Variants in METTL15 observed in about 807,000 individuals in gnomAD.
METTL15 encodes 12S rRNA N(4)-cytidine methyltransferase METTL15.
METTL15 carries 34 observed loss-of-function variants against 38.3 expected under a neutral mutation model. The ratio of observed to expected loss-of-function variants is 0.89; its 90% CI spans 0.68 to 1.18. The LOEUF (loss-of-function observed/expected upper bound fraction) is 1.18. Ranked by LOEUF, METTL15 falls within the 50% of genes most tolerant of loss-of-function variation. The pLI is 0.00. For missense variants in METTL15, 438 were observed against 498.4 expected (o/e 0.88, Z 1.15); for synonymous variants, 162 against 170.9 (o/e 0.95, Z 0.41).
In METTL15 at chr11:28,169,286, T is replaced by C. The variant is rs534579558; in HGVS notation, c.271-41776T>C. ...ACAAATTCAGGAGCCGTGGCTGTTA[T>C]AAGTACTTTGACAACTTCACATAGT... is the stretch of plus-strand genomic sequence containing the variant. On this transcript the variant is annotated intron_variant, in intron 3 of 6. Coordinates refer to ENST00000407364, the MANE Select transcript of METTL15 (RefSeq NM_001113528.2). Among the ~76,000 whole-genome samples the C allele has an allele frequency of 3.9e-5, 6 of 152,318 alleles. No individual in the cohort carries two copies. In the South Asian group the frequency reaches 6.2e-4, roughly 16 times the overall value.
At position 28,448,925 on chromosome 11, in the gene METTL15, G is replaced by A. The variant is rs994218501; in HGVS notation, c.*424+24561G>A. On this transcript the variant is annotated intron_variant and NMD_transcript_variant, in intron 6 of 7. Coordinates refer to the METTL15 transcript ENST00000532947. Reference sequence around the variant, plus strand: ...CAGTGAGAAAATAGTTTTTGTGCCTGTGGAAATAATTTGCATTTGGGAGGG... The same window carrying A: ...CAGTGAGAAAATAGTTTTTGTGCCTATGGAAATAATTTGCATTTGGGAGGG... Among the ~76,000 whole-genome samples, 7 of 152,300 alleles carry A rather than the reference G, an allele frequency of 4.6e-5. No homozygotes were observed. The East Asian group carries it at 1.4e-3, about 29-fold the overall frequency.
At chr11:28,432,117 T>C (rs1444663962) in intron 6 of METTL15, among the ~76,000 whole-genome samples, 2 of 152,200 alleles carry the variant, frequency 1.3e-5, no homozygotes, top group African/African-American at 4.8e-5. Flanking sequence ...TTGTGTGCCA[T>C]GCAAGGAGTT....
chr11:28,290,333 A>C lies in METTL15; in HGVS notation c.535A>C (p.Thr179Pro), dbSNP rs779666173. 1 of 1,613,356 alleles carries C rather than the reference A, an allele frequency of 6.2e-7. No homozygotes were observed. Among genetic ancestry groups the C allele is most frequent in the East Asian group, 2.2e-5 (1 of 44,856 alleles). ...DLGCSSMQLD[T>P]PERGFSLRKD... ...TGGGTGTTCCTCCATGCAACTTGAT[A>C]CTCCTGAAAGAGGTTTTTCCCTTCG... Residue 179 changes from threonine (T) to proline (P), a missense_variant, in exon 5 of 7, where the codon ACT becomes CCT. Transcript: ENST00000407364.
downstream of METTL15, among the ~76,000 whole-genome samples, chr11:28,338,165 T>C (rs971330109): frequency 6.6e-6 from 1 of 152,128 alleles, no homozygotes; most frequent in East Asian, 1.9e-4. Flanking sequence ...GCTAGTGTCT[T>C]TCCCTCAGCC....
downstream of METTL15, among the ~76,000 whole-genome samples, chr11:28,338,074 T>G (rs1054111473): frequency 8.6e-5 from 13 of 151,618 alleles, no homozygotes; most frequent in Admixed American, 1.3e-4. Context: ...TATCTTTGCT[T>G]CTTTTTTTTT....
At chr11:28,242,071 A>G (rs1165275075) in intron 4 of METTL15, among the ~76,000 whole-genome samples, 2 of 152,238 alleles carry the variant, frequency 1.3e-5, no homozygotes, top group African/African-American at 2.4e-5. Flanking sequence ...ACAGGGATCC[A>G]TTAAAATATA....
intron 6 of METTL15, among the ~76,000 whole-genome samples, chr11:28,435,051 G>A (rs909281809): frequency 6.6e-6 from 1 of 152,182 alleles, no homozygotes; most frequent in African/African-American, 2.4e-5. Context: ...GAAAGATATA[G>A]CAGTTATGAA....
In METTL15 at chr11:28,266,272, C is replaced by T. The variant is rs369977878; in HGVS notation, c.408-23934C>T. ...GACACATGCACATGTATGTTTATTG[C>T]GGCGCTATTCACAATAGCAAAGACT... is the stretch of plus-strand genomic sequence containing the variant. On this transcript the variant is annotated intron_variant, in intron 4 of 6. Coordinates refer to ENST00000407364, the MANE Select transcript of METTL15 (RefSeq NM_001113528.2). 4.9e-4 allele frequency among the ~76,000 whole-genome samples: 74 copies of T among 152,154 alleles called. 1 individual carries two copies. In the South Asian group the frequency reaches 7.3e-3, roughly 15 times the overall value.
intron 4 of METTL15, among the ~76,000 whole-genome samples, chr11:28,229,777 A>G (rs1853617478): frequency 6.6e-6 from 1 of 151,948 alleles, no homozygotes; most frequent in South Asian, 2.1e-4. Flanking sequence ...TAGCACCCTA[A>G]ATGGACTGAG....
At chr11:28,373,391 A>G (rs1564910112) in intron 5 of METTL15, among the ~76,000 whole-genome samples, 1 of 151,814 alleles carries the variant, frequency 6.6e-6, no homozygotes, top group Admixed American at 6.6e-5. Context: ...GCATTTTTTC[A>G]TGTGTTTTTT....
chr11:28,264,626 T>TA (rs1855339391), intron 4 of METTL15, among the ~76,000 whole-genome samples: 1 of 152,094 alleles, frequency 6.6e-6, no homozygotes. Context: ...CCCTGGGTAT[T>TA]AGAGGATAAA....
intron 6 of METTL15, among the ~76,000 whole-genome samples, chr11:28,317,952 G>T (rs1857537861): frequency 6.6e-6 from 1 of 152,116 alleles, no homozygotes; most frequent in African/African-American, 2.4e-5. Context: ...ACATACAGAA[G>T]TTTTTTTGGG....
At chr11:28,239,430 C>A (rs1176372244) in intron 4 of METTL15, among the ~76,000 whole-genome samples, 4 of 152,146 alleles carry the variant, frequency 2.6e-5, no homozygotes, top group Non-Finnish European at 5.9e-5. Context: ...TGAAATTTGA[C>A]CCCTACTTAT....
At chr11:28,404,084 A>G (rs1482898688) in intron 5 of METTL15, among the ~76,000 whole-genome samples, 1 of 152,014 alleles carries the variant, frequency 6.6e-6, no homozygotes. Context: ...GAGCATAGAG[A>G]AGGTCTACAG....
intron 6 of METTL15, among the ~76,000 whole-genome samples, chr11:28,453,889 T>C (rs1851145664): frequency 1.3e-5 from 2 of 152,166 alleles, no homozygotes; most frequent in Non-Finnish European, 2.9e-5. Context: ...CCTTTCCCCA[T>C]TGCAACTTTA....
chr11:28,287,322 A>G (rs543722897), intron 4 of METTL15: 48 of 247,608 alleles, frequency 1.9e-4, no homozygotes, highest in African/African-American at 9.2e-4. Context: ...TGTCATTACA[A>G]TGAAACCAAA....
At chr11:28,246,668 G>A (rs1431088754) in intron 4 of METTL15, among the ~76,000 whole-genome samples, 2 of 152,060 alleles carry the variant, frequency 1.3e-5, no homozygotes, top group African/African-American at 2.4e-5. Context: ...TGACAACAAG[G>A]GAAAACTGTC....
intron 4 of METTL15, 94 bp downstream of exon 4, chr11:28,211,292 T>C: frequency 9.0e-7 from 1 of 1,105,734 alleles, no homozygotes; most frequent in Non-Finnish European, 1.3e-6. Context: ...TTGCATGGGC[T>C]ATATTTTACT....
chr11:28,427,822 G>A (rs1850878890), intron 6 of METTL15, among the ~76,000 whole-genome samples: 1 of 152,202 alleles, frequency 6.6e-6, no homozygotes, highest in African/African-American at 2.4e-5. Context: ...ATTGGCTTAA[G>A]AAGCTTTTGG....
Sources: allele counts gnomAD v4.1 joint callset (sites outside exome capture counted in the v4.1 genomes callset), GRCh38; gene constraint gnomAD v4.1.1; transcripts MANE v1.5; gene names NCBI Gene and HGNC (gene_info 2026-07-23, HGNC 2026-07-21).